Variants in DCST2 observed in about 807,000 individuals in gnomAD.
DCST2 encodes the protein DC-STAMP domain containing 2, also known as DC-STAMP domain-containing protein 2.
In DCST2, 64 loss-of-function variants were observed where a neutral mutation model predicts 81.8. The observed-to-expected ratio is 0.78, with a 90% CI of 0.64 to 0.96. DCST2 has a LOEUF of 0.96. Among genes scored for constraint, DCST2 ranks in the 40% least tolerant of loss-of-function variants. The pLI is 0.00. For synonymous variants in DCST2, 354 were observed against 402.6 expected (o/e 0.88, Z 1.44); for missense variants, 945 against 1,001.4 (o/e 0.94, Z 0.76).
intron 3 of DCST2, 21 bp downstream of exon 3, chr1:155,032,646 T>C (rs775967654): frequency 1.3e-5 from 21 of 1,610,168 alleles, no homozygotes; most frequent in Admixed American, 3.3e-5. Context: ...GTCCCCGGGA[T>C]AGACATGCTA....
In DCST2 at chr1:155,032,507, G is replaced by A. The variant is rs1174795085; in HGVS notation, c.541+160C>T. On this transcript the variant is annotated intron_variant, in intron 3 of 14. Coordinates refer to ENST00000368424, the MANE Select transcript of DCST2 (RefSeq NM_144622.3). ...TATTTTTTTATTTTTTATAGAGACAGGGTCTCGCCATGTTGCCAAGGCTGG... is the reference window on the plus strand; with the variant it reads ...TATTTTTTTATTTTTTATAGAGACAAGGTCTCGCCATGTTGCCAAGGCTGG... Among the ~76,000 whole-genome samples the A allele has an allele frequency of 2.6e-5, 4 of 151,778 alleles. No homozygotes were observed. In the South Asian group the frequency reaches 8.3e-4, roughly 32 times the overall value.
At chr1:155,030,865 CA>C (rs970746393) in intron 5 of DCST2, 66 of 609,934 alleles carry the variant, frequency 1.1e-4, no homozygotes, top group African/African-American at 1.1e-3. Context: ...ACAGGGCATG[CA>C]ACAGATGCCC....
rs199571532 is a variant in DCST2 at position 155,026,580 on chromosome 1, G to A, written c.1478C>T (p.Ser493Leu). The part of the protein sequence containing the change: ...ILSRRCLLRP[S>L]EPDSTGYIVI... Reference sequence around the variant, plus strand: ...TATGTAGCCAGTGCTGTCAGGCTCCGAGGGACGAAGGAGACAACGCCGGGA... The same window carrying A: ...TATGTAGCCAGTGCTGTCAGGCTCCAAGGGACGAAGGAGACAACGCCGGGA... The change falls in exon 9 of 15, where the codon TCG (serine) becomes TTG (leucine). Residue 493 changes from serine to leucine, a missense_variant. Transcript: ENST00000368424. The A allele has an allele frequency of 3.7e-4, 604 of 1,614,082 alleles. 1 individual carries two copies. The highest frequency in any genetic ancestry group is 4.8e-4 in the Non-Finnish European group (561 of 1,180,046).
At chr1:155,031,132 T>C in intron 5 of DCST2, 37 bp downstream of exon 5, 1 of 1,575,276 alleles carries the variant, frequency 6.3e-7, no homozygotes, top group Non-Finnish European at 8.6e-7. Context: ...GGGAGACCAC[T>C]AGGGAGCACC....
At chr1:155,031,515 T>TGGCCCCCCCCCCCC in intron 4 of DCST2, 59 bp downstream of exon 4, 1 of 643,126 alleles carries the variant, frequency 1.6e-6, no homozygotes, top group Middle Eastern at 3.7e-4. Context: ...ACCCCCACAT[T>TGGCCCCCCCCCCCC]CCCACCCCAC....
intron 10 of DCST2, among the ~76,000 whole-genome samples, chr1:155,025,715 T>G (rs1203210100): frequency 6.6e-6 from 1 of 151,680 alleles, no homozygotes; most frequent in African/African-American, 2.4e-5. Flanking sequence ...GTTTTGTTTT[T>G]TTGAGACAGG....
At chr1:155,030,704 G>T in intron 5 of DCST2, 59 bp from the exon 6 acceptor site, 13 of 1,584,838 alleles carry the variant, frequency 8.2e-6, no homozygotes, top group Non-Finnish European at 1.0e-5. Flanking sequence ...GGGTGGAGCT[G>T]CCCCTGGGGA....
chr1:155,032,957 G>A (rs1660143522), intron 2 of DCST2, 137 bp downstream of exon 2: 2 of 1,084,192 alleles, frequency 1.8e-6, no homozygotes, highest in Non-Finnish European at 1.3e-6. Context: ...GGGTTTAGCT[G>A]TGCCCAGAGT....
rs367966431 is a variant in DCST2, at chr1:155,024,582, G to A, written c.1632C>T (p.Tyr544=). ...SREQERISYL[Y]NVLLSRRTNL... is the part of the protein sequence containing the mutation. Reference sequence around the variant, plus strand: ...TGGTTCGGCGGCTCAGAAGTACATTGTACAGGTAGGAGATCCTCTCCTGGT... The same window carrying A: ...TGGTTCGGCGGCTCAGAAGTACATTATACAGGTAGGAGATCCTCTCCTGGT... Residue 544 remains tyrosine, a synonymous_variant, in exon 11 of 15, where the codon TAC becomes TAT. Coordinates refer to ENST00000368424, the MANE Select transcript of DCST2 (RefSeq NM_144622.3). 1.5e-5 allele frequency: 24 copies of A among 1,605,614 alleles called. No homozygotes were observed. The highest frequency in any genetic ancestry group is 1.1e-5 in the South Asian group (1 of 88,702).
rs897381363 is a variant in DCST2 at position 155,026,612 on chromosome 1, A to G, written c.1446T>C (p.Ser482=). ...AFDVLQQGNI[S]ILSRRCLLRP... is the part of the protein sequence containing the mutation. ...GAAGGAGACAACGCCGGGACAAAAT[A>G]CTGATGTTGCCTTGCTGCAGGACAT... The change falls in exon 9 of 15, where the codon AGT becomes AGC. Residue 482 remains serine, a synonymous_variant. Transcript: ENST00000368424. 2.5e-6 allele frequency: 4 copies of G among 1,614,076 alleles called. No individual in the cohort carries two copies. The highest frequency in any genetic ancestry group is 3.4e-6 in the Non-Finnish European group (4 of 1,180,048).
In DCST2 at chr1:155,026,531, C is replaced by A; in HGVS notation, c.1510+17G>T. ...ATGGTGTCCACGCCCCCAGGGACCT[C>A]AGGGTGTAGTTGATACCAATGACTA... is the stretch of plus-strand genomic sequence containing the variant. On this transcript the variant is annotated intron_variant, in intron 9 of 14. Coordinates refer to ENST00000368424, the MANE Select transcript of DCST2 (RefSeq NM_144622.3). 2 of 1,613,836 alleles carry A rather than the reference C, an allele frequency of 1.2e-6. No individual in the cohort carries two copies. The highest frequency in any genetic ancestry group is 1.7e-6 in the Non-Finnish European group (2 of 1,179,778).
At chr1:155,032,125 C>T (rs1660108570) in intron 3 of DCST2, among the ~76,000 whole-genome samples, 1 of 152,142 alleles carries the variant, frequency 6.6e-6, no homozygotes, top group East Asian at 1.9e-4. Context: ...TCCTGAGTAG[C>T]TGGGACTACA....
chr1:155,030,436 G>A lies in DCST2; in HGVS notation c.1015C>T (p.Leu339Phe), dbSNP rs1417775921. 6.2e-7 allele frequency: 1 copy of A among 1,613,390 alleles called. No homozygotes were observed. The highest frequency in any genetic ancestry group is 1.3e-5 in the African/African-American group (1 of 74,874). ...TTPLLLVLLY[L>F]QALFYRYCYL... Reference sequence around the variant, plus strand: ...CGCTGCCCGGCAGCCCCTCACTGGAGGTAGAGAAGCACAAGCAGCAGAGGC... The same window carrying A: ...CGCTGCCCGGCAGCCCCTCACTGGAAGTAGAGAAGCACAAGCAGCAGAGGC... Residue 339 changes from leucine (L) to phenylalanine (F), a missense_variant, in exon 6 of 15, where the codon CTC becomes TTC. By Grantham distance (22) the Leu-to-Phe change is conservative. Transcript: ENST00000368424.
chr1:155,032,058 A>G (rs1660106194), intron 3 of DCST2, among the ~76,000 whole-genome samples: 2 of 152,068 alleles, frequency 1.3e-5, no homozygotes, highest in Non-Finnish European at 2.9e-5. Context: ...CAGTGGAGTG[A>G]TCTCGGCTCA....
chr1:155,030,777 G>C, intron 5 of DCST2, 132 bp from the exon 6 acceptor site: 1 of 924,532 alleles, frequency 1.1e-6, no homozygotes. Context: ...CAGTGCTTGG[G>C]TCAAGGTGGA....
In DCST2 at chr1:155,031,645, A is replaced by G; in HGVS notation, c.668T>C (p.Val223Ala). Residue 223 changes from valine to alanine, a missense_variant, in exon 4 of 15, where the codon GTC (valine) becomes GCC (alanine). Transcript: ENST00000368424. ...FDDAKDSCMM[V>A]IPQAYHLCYV... The stretch of plus-strand genomic sequence containing the variant: ...ACACAGGTGGTAGGCTTGTGGTATG[A>G]CCATCATGCAGCTGTCCTTGGCATC... The G allele has an allele frequency of 6.2e-7, 1 of 1,614,008 alleles. No individual in the cohort carries two copies. The highest frequency in any genetic ancestry group is 8.5e-7 in the Non-Finnish European group (1 of 1,180,028).
chr1:155,030,461 C>T lies in DCST2; in HGVS notation c.990G>A (p.Thr330=), dbSNP rs1338824438. 5.6e-6 allele frequency: 9 copies of T among 1,613,898 alleles called. No individual in the cohort carries two copies. Among genetic ancestry groups the T allele is most frequent in the East Asian group, 2.2e-5 (1 of 44,830 alleles). ...GGTAGAGAAGCACAAGCAGCAGAGG[C>T]GTGGTGAAGCCCATCAGAGCCAGGG... The part of the protein sequence containing the change: ...REALALMGFT[T]PLLLVLLYLQ... Residue 330 remains threonine (T), a synonymous_variant, in exon 6 of 15, where the codon ACG becomes ACA. Transcript: ENST00000368424.
chr1:155,032,850 G>A, intron 2 of DCST2, 82 bp from the exon 3 acceptor site: 1 of 1,325,108 alleles, frequency 7.5e-7, no homozygotes, highest in Non-Finnish European at 1.1e-6. Context: ...GCAGGGAGTA[G>A]AGAGGAGGCC....
intron 14 of DCST2, among the ~76,000 whole-genome samples, chr1:155,022,118 C>T (rs968582217): frequency 1.3e-5 from 2 of 152,280 alleles, no homozygotes; most frequent in East Asian, 3.9e-4. Flanking sequence ...CCACCCACCT[C>T]GGCCTCCCAA....
Sources: gnomAD v4.1 joint callset for allele counts (sites outside exome capture counted in the v4.1 genomes callset) on GRCh38, gnomAD v4.1.1 for gene constraint, MANE v1.5 for transcripts, NCBI Gene and HGNC (gene_info 2026-07-23, HGNC 2026-07-21) for gene names.